The following POLR1D variants were observed in gnomAD, a reference collection of about 807,000 sequenced individuals.
POLR1D encodes RNA polymerase I and III subunit D, also known as DNA-directed RNA polymerases I and III subunit RPAC2.
Under a neutral mutation model 10.8 loss-of-function variants are expected in POLR1D, and 8 were observed. The ratio of observed to expected loss-of-function variants is 0.74; its 90% CI spans 0.43 to 1.33. The LOEUF (loss-of-function observed/expected upper bound fraction) is 1.33, where lower values mean the gene tolerates loss of function less well. Ranked by LOEUF, POLR1D falls within the 40% of genes most tolerant of loss-of-function variation. The probability of loss-of-function intolerance (pLI) is 0.01; values close to 1 mark genes in which losing one functional copy is unlikely to be tolerated. For missense variants in POLR1D, 152 were observed against 161.7 expected, an observed-to-expected ratio of 0.94 and a Z score of 0.32; for synonymous variants, 54 against 57.2, an observed-to-expected ratio of 0.94 and a Z score of 0.25.
At chr13:27,635,642 AT>A (rs1227474475) in intron 1 of POLR1D, among the ~76,000 whole-genome samples, 1 of 150,290 alleles carries the variant, frequency 6.7e-6, no homozygotes, top group Admixed American at 6.7e-5. Context: ...TAAAATGATT[AT>A]TTTTTTAAAA....
At chr13:27,631,133 A>G (rs1956069006) in intron 1 of POLR1D, among the ~76,000 whole-genome samples, 1 of 152,198 alleles carries the variant, frequency 6.6e-6, no homozygotes, top group African/African-American at 2.4e-5. Flanking sequence ...AGCAACAAAT[A>G]CATCTCAGTT....
rs531804341 is a variant in POLR1D, at chr13:27,631,032, A to G, written c.26+9023A>G. ...CCCTAAATCTTCACATGGCCTGTCC[A>G]TTTCCAAAGTCGTTTGCTCAGAGAG... On this transcript the variant is annotated intron_variant, in intron 1 of 2. Coordinates refer to the POLR1D transcript ENST00000399697. Among the ~76,000 whole-genome samples the G allele has an allele frequency of 5.9e-5, 9 of 152,318 alleles. No individual in the cohort carries two copies. The East Asian group carries it at 1.7e-3, about 29-fold the overall frequency.
intron 1 of POLR1D, among the ~76,000 whole-genome samples, chr13:27,638,055 C>T (rs1956142388): frequency 1.3e-5 from 2 of 152,124 alleles, no homozygotes; most frequent in Non-Finnish European, 2.9e-5. Flanking sequence ...CTACCATATG[C>T]CTCAAAGCCA....
chr13:27,636,676 G>A (rs1045508931), intron 1 of POLR1D, among the ~76,000 whole-genome samples: 5 of 152,172 alleles, frequency 3.3e-5, no homozygotes, highest in African/African-American at 7.2e-5. Flanking sequence ...CTTGGTAAGC[G>A]TAAGAGTGTA....
intron 2 of POLR1D, among the ~76,000 whole-genome samples, chr13:27,656,886 C>T (rs926479805): frequency 6.6e-6 from 1 of 152,152 alleles, no homozygotes; most frequent in Non-Finnish European, 1.5e-5. Context: ...TGTGGTACAT[C>T]CTACTGTTGA....
exon 3 of POLR1D, chr13:27,665,697 C>T: frequency 6.2e-7 from 1 of 1,613,892 alleles, no homozygotes; most frequent in Non-Finnish European, 8.5e-7. Flanking sequence ...ATGAAGTGTC[C>T]TCTTGCTAGC....
chr13:27,659,666 G>A (rs1467989266), intron 2 of POLR1D, among the ~76,000 whole-genome samples: 1 of 152,076 alleles, frequency 6.6e-6, no homozygotes, highest in African/African-American at 2.4e-5. Flanking sequence ...AGCCCTGAAT[G>A]TGTTACTGTT....
At chr13:27,646,942 G>C (rs1956226482) in intron 1 of POLR1D, among the ~76,000 whole-genome samples, 1 of 152,060 alleles carries the variant, frequency 6.6e-6, no homozygotes, top group Admixed American at 6.6e-5. Context: ...AATATCATTT[G>C]AAGATTATAT....
chr13:27,666,341 G>A (rs537738736), exon 3 of POLR1D: 1 of 174,764 alleles, frequency 5.7e-6, no homozygotes, highest in Middle Eastern at 2.6e-3. Context: ...TTTACTTTTT[G>A]GGGGTATTAC....
At chr13:27,623,590 G>C (rs573646422), downstream of POLR1D, 1 of 268,628 alleles carries the variant, frequency 3.7e-6, no homozygotes, top group African/African-American at 2.2e-5. Flanking sequence ...ATTAAAAGAA[G>C]TATATATCCA....
At chr13:27,627,729 T>G (rs34302378), downstream of POLR1D, among the ~76,000 whole-genome samples, 5,525 of 93,690 alleles carry the variant, frequency 0.059, 134 homozygotes, top group Non-Finnish European at 0.083. Context: ...AAGTTTTAGT[T>G]TTTTTTTTTT....
chr13:27,625,603 A>C (rs1956000609), downstream of POLR1D, among the ~76,000 whole-genome samples: 1 of 151,998 alleles, frequency 6.6e-6, no homozygotes, highest in African/African-American at 2.4e-5. Flanking sequence ...CGTGGAAGAG[A>C]TCTAAGCTGG....
At chr13:27,624,912 T>C (rs915882865), downstream of POLR1D, among the ~76,000 whole-genome samples, 1 of 151,958 alleles carries the variant, frequency 6.6e-6, no homozygotes, top group African/African-American at 2.4e-5. Flanking sequence ...AATTAAAAAC[T>C]TGTAATTCTG....
intron 1 of POLR1D, among the ~76,000 whole-genome samples, chr13:27,635,086 G>A: frequency 6.6e-6 from 1 of 152,236 alleles, no homozygotes; most frequent in South Asian, 2.1e-4. Flanking sequence ...AGACAAAATT[G>A]TTGGCCTAGC....
intron 2 of POLR1D, among the ~76,000 whole-genome samples, chr13:27,657,255 C>T (rs1411002801): frequency 6.6e-6 from 1 of 152,110 alleles, no homozygotes; most frequent in African/African-American, 2.4e-5. Context: ...TCCAGCCAGG[C>T]GCTGTGGCTC....
chr13:27,621,431 C>T (rs1220878500), upstream of POLR1D: 2 of 152,396 alleles, frequency 1.3e-5, no homozygotes, highest in Non-Finnish European at 2.9e-5. Flanking sequence ...CCCCCTCCCT[C>T]TTCAAGGTGT....
chr13:27,656,330 A>T (rs1247100699), intron 2 of POLR1D, among the ~76,000 whole-genome samples: 1 of 152,220 alleles, frequency 6.6e-6, no homozygotes, highest in African/African-American at 2.4e-5. Context: ...ATAAAAAGAA[A>T]ACCATATCTG....
intron 1 of POLR1D, among the ~76,000 whole-genome samples, chr13:27,632,972 T>C (rs538676918): frequency 1.3e-5 from 2 of 152,300 alleles, no homozygotes; most frequent in South Asian, 4.1e-4. Context: ...GAAATAACTA[T>C]TCTATAAGCT....
At chr13:27,652,369 G>A (rs1044492334) in intron 2 of POLR1D, among the ~76,000 whole-genome samples, 3 of 152,198 alleles carry the variant, frequency 2.0e-5, no homozygotes, top group Admixed American at 6.5e-5. Flanking sequence ...AGACTGTCTT[G>A]AGATTTGTGT....
Sources: allele counts gnomAD v4.1 joint callset (sites outside exome capture counted in the v4.1 genomes callset), GRCh38; gene constraint gnomAD v4.1.1; transcripts MANE v1.5; gene names NCBI Gene and HGNC (gene_info 2026-07-23, HGNC 2026-07-21).